The following SEMA6D variants were observed in gnomAD, a reference collection of about 807,000 sequenced individuals.
SEMA6D encodes semaphorin-6D.
A neutral mutation model predicts 106.6 loss-of-function variants in SEMA6D; 35 were observed. The observed-to-expected ratio is 0.33, with a 90% CI of 0.25 to 0.44. The LOEUF is 0.44. SEMA6D is among the 20% of genes least tolerant of loss of function. The pLI is 1.00. For synonymous variants in SEMA6D, 499 were observed against 487.7 expected (o/e 1.02, Z -0.31); for missense variants, 1,185 against 1,345.9 (o/e 0.88, Z 1.87).
intron 17 of SEMA6D, among the ~76,000 whole-genome samples, chr15:47,768,084 G>T (rs965806483): frequency 2.0e-5 from 3 of 152,088 alleles, no homozygotes; most frequent in Non-Finnish European, 4.4e-5. Flanking sequence ...AACCTCTTAG[G>T]CAGAGCTGGT....
chr15:47,527,293 C>G (rs2044793930), intron 3 of SEMA6D, among the ~76,000 whole-genome samples: 1 of 151,886 alleles, frequency 6.6e-6, no homozygotes, highest in South Asian at 2.1e-4. Flanking sequence ...AAAAAAAAAT[C>G]AATGTTTAAC....
chr15:47,697,538 T>A lies in SEMA6D; in HGVS notation c.-54-62207T>A, dbSNP rs74014044. 1.1e-3 allele frequency among the ~76,000 whole-genome samples: 175 copies of A among 152,326 alleles called. 1 individual carries two copies. Among genetic ancestry groups the A allele is most frequent in the African/African-American group, 4.2e-3 (173 of 41,580 alleles). On this transcript the variant is annotated intron_variant, in intron 4 of 19. Coordinates refer to the SEMA6D transcript ENST00000558014. ...AGTACTTATTGAATTCCAAGATTCA[T>A]CCTATTTTTACTTCTAAATTCCAAT... is the stretch of plus-strand genomic sequence containing the variant.
intron 4 of SEMA6D, among the ~76,000 whole-genome samples, chr15:47,627,527 G>A (rs2077223959): frequency 6.6e-6 from 1 of 152,126 alleles, no homozygotes; most frequent in African/African-American, 2.4e-5. Flanking sequence ...GAGATATGGT[G>A]AGAATTTATG....
At chr15:47,422,954 A>G (rs113502861) in intron 2 of SEMA6D, among the ~76,000 whole-genome samples, 2 of 152,188 alleles carry the variant, frequency 1.3e-5, no homozygotes, top group African/African-American at 2.4e-5. Flanking sequence ...CAGAAACCCA[A>G]CCCTAAAGGA....
chr15:47,200,528 A>G lies in SEMA6D; in HGVS notation c.-239+16110A>G, dbSNP rs143631411. Among the ~76,000 whole-genome samples the G allele has an allele frequency of 3.5e-3, 532 of 152,276 alleles. 4 individuals carry two copies. Among genetic ancestry groups the G allele is most frequent in the African/African-American group, 0.011 (458 of 41,562 alleles). On this transcript the variant is annotated intron_variant, in intron 1 of 19. Transcript: ENST00000558014. ...GCCACTTTTAATTATAATTCTTAGG[A>G]TTTTAGTCAATGTTAATTATTACTG... is the stretch of plus-strand genomic sequence containing the variant.
intron 1 of SEMA6D, among the ~76,000 whole-genome samples, chr15:47,256,626 C>T (rs186877651): frequency 3.7e-4 from 56 of 152,136 alleles, no homozygotes; most frequent in African/African-American, 1.1e-3. Flanking sequence ...TTCGGGAGGC[C>T]GAGGCGGGCA....
chr15:47,765,105 G>C, intron 13 of SEMA6D, 49 bp downstream of exon 13: 1 of 1,591,752 alleles, frequency 6.3e-7, no homozygotes. Flanking sequence ...AAAAATTTTC[G>C]GCATGTATTT....
intron 1 of SEMA6D, among the ~76,000 whole-genome samples, chr15:47,205,145 G>A (rs1041427581): frequency 2.0e-5 from 3 of 152,092 alleles, no homozygotes; most frequent in Non-Finnish European, 4.4e-5. Context: ...AAAGTTGTTT[G>A]CTAATTTGTG....
chr15:47,730,242 G>C, intron 1 of SEMA6D: 2 of 1,533,068 alleles, frequency 1.3e-6, no homozygotes, highest in Admixed American at 3.3e-5. Flanking sequence ...CAGTGACGGC[G>C]GATCTCATCG....
chr15:47,695,433 C>T (rs1241169192), intron 4 of SEMA6D, among the ~76,000 whole-genome samples: 1 of 151,996 alleles, frequency 6.6e-6, no homozygotes. Flanking sequence ...GTGCTCCTGG[C>T]TTAGCTTTGT....
chr15:47,518,267 T>G (rs758097624), intron 3 of SEMA6D, among the ~76,000 whole-genome samples: 5 of 152,144 alleles, frequency 3.3e-5, no homozygotes, highest in African/African-American at 4.8e-5. Flanking sequence ...GAAGGAGATA[T>G]TTAAGCTAGA....
At chr15:47,715,528 A>G (rs1214184908), upstream of SEMA6D, among the ~76,000 whole-genome samples, 3 of 152,210 alleles carry the variant, frequency 2.0e-5, no homozygotes, top group Non-Finnish European at 4.4e-5. Context: ...TGAAGAGCCT[A>G]CTTCCTACCT....
chr15:47,764,222 A>G lies in SEMA6D; in HGVS notation c.1014A>G (p.Lys338=), dbSNP rs2082213929. The stretch of plus-strand genomic sequence containing the variant: ...CATTTAGCATGGATGACATTGAAAA[A>G]GTATTCAAAGGACGGTTTAAGGAAC... The part of the protein sequence containing the change: ...VCAFSMDDIE[K]VFKGRFKEQK... The change falls in exon 11 of 19, where the codon AAA becomes AAG. Residue 338 remains lysine, a synonymous_variant. Transcript: ENST00000536845. 6.2e-7 allele frequency: 1 copy of G among 1,613,812 alleles called. No individual in the cohort carries two copies. The highest frequency in any genetic ancestry group is 8.5e-7 in the Non-Finnish European group (1 of 1,179,784).
chr15:47,517,314 G>T (rs1195030586), intron 3 of SEMA6D, among the ~76,000 whole-genome samples: 1 of 152,070 alleles, frequency 6.6e-6, no homozygotes, highest in Non-Finnish European at 1.5e-5. Context: ...AGACTAGAAG[G>T]CAGATGTCTT....
At chr15:47,408,231 G>A (rs1158614062) in intron 1 of SEMA6D, among the ~76,000 whole-genome samples, 1 of 152,100 alleles carries the variant, frequency 6.6e-6, no homozygotes, top group African/African-American at 2.4e-5. Flanking sequence ...ACAACTTGTA[G>A]CTGTTTGACC....
intron 2 of SEMA6D, among the ~76,000 whole-genome samples, chr15:47,420,479 C>T (rs2041117193): frequency 6.6e-6 from 1 of 152,020 alleles, no homozygotes; most frequent in East Asian, 1.9e-4. Context: ...GAAATACTGC[C>T]TTCTCCCCCT....
chr15:47,710,609 G>A (rs1000631735), intron 4 of SEMA6D, among the ~76,000 whole-genome samples: 3 of 152,072 alleles, frequency 2.0e-5, no homozygotes, highest in African/African-American at 7.2e-5. Context: ...CACACACACA[G>A]TGTGTGCAAT....
chr15:47,667,813 A>T (rs547544802), intron 4 of SEMA6D, among the ~76,000 whole-genome samples: 1 of 152,244 alleles, frequency 6.6e-6, no homozygotes, highest in Admixed American at 6.5e-5. Flanking sequence ...ATTTGGGGGG[A>T]TGTAAACATT....
At chr15:47,674,965 A>G (rs948138065) in intron 4 of SEMA6D, among the ~76,000 whole-genome samples, 2 of 152,184 alleles carry the variant, frequency 1.3e-5, no homozygotes. Flanking sequence ...TGGCTCAGTG[A>G]TCTAAGTGAA....
Sources: gnomAD v4.1 joint callset for allele counts (sites outside exome capture counted in the v4.1 genomes callset) on GRCh38, gnomAD v4.1.1 for gene constraint, MANE v1.5 for transcripts, NCBI Gene and HGNC (gene_info 2026-07-23, HGNC 2026-07-21) for gene names.